The following RIN3 variants were observed in gnomAD, a reference collection of about 807,000 sequenced individuals.
RIN3 encodes the protein RAB5 interacting protein 3.
In RIN3, 54 loss-of-function variants were observed where a neutral mutation model predicts 76.3. That is an observed-to-expected ratio of 0.71 (90% CI 0.57 to 0.89). The LOEUF (loss-of-function observed/expected upper bound fraction) is 0.89, where lower values mean the gene tolerates loss of function less well. Ranked by LOEUF, RIN3 falls within the 40% of genes least tolerant of loss-of-function variation. RIN3 has a pLI of 0.00. For synonymous variants in RIN3, 576 were observed against 564.0 expected, an observed-to-expected ratio of 1.02 and a Z score of -0.30; for missense variants, 1,256 against 1,322.1, an observed-to-expected ratio of 0.95 and a Z score of 0.78.
intron 1 of RIN3, among the ~76,000 whole-genome samples, chr14:92,540,438 T>A (rs1420894641): frequency 1.3e-5 from 2 of 152,212 alleles, no homozygotes; most frequent in East Asian, 3.9e-4. Context: ...GCCACAAGCA[T>A]CTGTGAGAAA....
intron 3 of RIN3, among the ~76,000 whole-genome samples, chr14:92,614,969 A>G (rs149485938): frequency 0.01 from 1,548 of 148,772 alleles, 25 homozygotes; most frequent in African/African-American, 0.036. Context: ...TCAGCCTCCC[A>G]AGTAGCTGGG....
chr14:92,653,797 C>A (rs758312147), intron 6 of RIN3, among the ~76,000 whole-genome samples: 1 of 152,166 alleles, frequency 6.6e-6, no homozygotes, highest in Admixed American at 6.5e-5. Context: ...GCAGGAGGAT[C>A]GCTTGAGCCC....
intron 1 of RIN3, among the ~76,000 whole-genome samples, chr14:92,545,162 T>C (rs1208595269): frequency 7.3e-6 from 1 of 137,840 alleles, no homozygotes; most frequent in Non-Finnish European, 1.5e-5. Flanking sequence ...CAGGCTGGAG[T>C]GCAGTGGCAC....
At chr14:92,600,210 A>G (rs1885295006) in intron 3 of RIN3, among the ~76,000 whole-genome samples, 1 of 152,232 alleles carries the variant, frequency 6.6e-6, no homozygotes, top group Non-Finnish European at 1.5e-5. Context: ...GATGCAGTGC[A>G]GGCACATGAT....
chr14:92,545,262 A>G (rs1446623861), intron 1 of RIN3, among the ~76,000 whole-genome samples: 1 of 151,906 alleles, frequency 6.6e-6, no homozygotes, highest in Non-Finnish European at 1.5e-5. Flanking sequence ...GGCACCTGCC[A>G]CCACGCCTGG....
chr14:92,647,499 T>A (rs1413580804), intron 5 of RIN3, among the ~76,000 whole-genome samples: 1 of 152,220 alleles, frequency 6.6e-6, no homozygotes, highest in Non-Finnish European at 1.5e-5. Flanking sequence ...AGGAAAGGCA[T>A]CTGTTCTGTG....
Position 92,631,393 on chromosome 14 carries a change from C to T in RIN3, c.441-9845C>T, listed in dbSNP as rs375046221. 4.6e-5 allele frequency among the ~76,000 whole-genome samples: 7 copies of T among 152,220 alleles called. No individual in the cohort carries two copies. The South Asian group carries it at 6.2e-4, about 14-fold the overall frequency. On this transcript the variant is annotated intron_variant, in intron 4 of 9. Coordinates refer to ENST00000216487, the MANE Select transcript of RIN3 (RefSeq NM_024832.5). The stretch of plus-strand genomic sequence containing the variant: ...GTGCTCTGTCTGCAGCCTCTGCCCC[C>T]AGAAATAAAAAAAAGACAGGTTCTG...
At chr14:92,591,895 A>T (rs1478202848) in intron 3 of RIN3, among the ~76,000 whole-genome samples, 1 of 152,236 alleles carries the variant, frequency 6.6e-6, no homozygotes, top group African/African-American at 2.4e-5. Flanking sequence ...AGAAAGGAAG[A>T]GCATCAGAGA....
intron 3 of RIN3, among the ~76,000 whole-genome samples, chr14:92,612,662 G>A (rs1299776430): frequency 6.6e-6 from 1 of 152,262 alleles, no homozygotes; most frequent in East Asian, 1.9e-4. Flanking sequence ...TTCGTGTGAA[G>A]AGATGCTGTT....
At chr14:92,674,644 T>G (rs1595503606) in intron 7 of RIN3, among the ~76,000 whole-genome samples, 1 of 152,066 alleles carries the variant, frequency 6.6e-6, no homozygotes, top group African/African-American at 2.4e-5. Flanking sequence ...ATCCCAGCAC[T>G]TTAGGAGGCT....
chr14:92,664,762 G>A lies in RIN3; in HGVS notation c.2335+5293G>A, dbSNP rs188823420. Among the ~76,000 whole-genome samples the A allele has an allele frequency of 1.7e-3, 253 of 152,222 alleles. 1 individual carries two copies. Among genetic ancestry groups the A allele is most frequent in the Middle Eastern group, 0.01 (3 of 294 alleles). ...TACACCTGTGTCCTTTACCCCAAAC[G>A]CTTTCCTAGGTATTTTGTGGCATGT... On this transcript the variant is annotated intron_variant, in intron 7 of 9. Coordinates refer to ENST00000216487, the MANE Select transcript of RIN3 (RefSeq NM_024832.5).
intron 2 of RIN3, among the ~76,000 whole-genome samples, chr14:92,557,684 T>G (rs903914685): frequency 3.3e-5 from 5 of 152,200 alleles, no homozygotes; most frequent in Non-Finnish European, 7.4e-5. Context: ...CACAGCAGTG[T>G]CCTGCCAAGA....
At position 92,592,642 on chromosome 14, in the gene RIN3, G is replaced by GTATTAT. The variant is rs143659950; in HGVS notation, c.367+15209_367+15214dup. ...TTATACTGTATTGCTTTTAAATTTT[G>GTATTAT]TATTATTATTATTATTATTATTATT... On this transcript the variant is annotated intron_variant, in intron 3 of 9. Transcript: ENST00000216487. Among the ~76,000 whole-genome samples the GTATTAT allele has an allele frequency of 1.2e-3, 166 of 134,636 alleles. 2 individuals are homozygous for GTATTAT. Among genetic ancestry groups the GTATTAT allele is most frequent in the Middle Eastern group, 3.6e-3 (1 of 278 alleles). The allele number at this position is 134,636 out of a possible 152,430, so 88.3% of individuals were successfully genotyped here.
Position 92,652,784 on chromosome 14 carries a change from C to G in RIN3, c.1735C>G (p.Arg579Gly). ...GCCCTCCATGATCCTGGGCAAGGCT[C>G]GGCACCGGCTGAGCTTTGCCAGTTT... ...KKPSMILGKA[R>G]HRLSFASFSS... Residue 579 changes from arginine (R) to glycine (G), a missense_variant, in exon 6 of 10, where the codon CGG (arginine) becomes GGG (glycine). Physicochemically the swap from Arg to Gly is moderately radical, Grantham distance 125 (BLOSUM62 -2). Transcript: ENST00000216487. This position sits in a 1 kb window ranked among gnomAD's most constrained non-coding sequence, Gnocchi z 6.4. The G allele has an allele frequency of 6.2e-7, 1 of 1,614,016 alleles. No individual in the cohort carries two copies. Among genetic ancestry groups the G allele is most frequent in the Non-Finnish European group, 8.5e-7 (1 of 1,180,032 alleles).
chr14:92,547,542 A>C (rs1358845137), intron 1 of RIN3, among the ~76,000 whole-genome samples: 1 of 150,032 alleles, frequency 6.7e-6, no homozygotes, highest in Non-Finnish European at 1.5e-5. Flanking sequence ...CCATAGGTGC[A>C]CACCACTGTG....
chr14:92,606,639 A>G (rs1457751739), intron 3 of RIN3, among the ~76,000 whole-genome samples: 2 of 152,232 alleles, frequency 1.3e-5, no homozygotes, highest in East Asian at 1.9e-4. Context: ...GGAAATAACC[A>G]ATAAACACAT....
chr14:92,637,334 G>T (rs1886812173), intron 4 of RIN3, among the ~76,000 whole-genome samples: 1 of 152,008 alleles, frequency 6.6e-6, no homozygotes, highest in Non-Finnish European at 1.5e-5. Context: ...TTCACAGCAG[G>T]GTTCATGCTT....
chr14:92,662,192 T>C (rs537886446), intron 7 of RIN3, among the ~76,000 whole-genome samples: 1 of 152,278 alleles, frequency 6.6e-6, no homozygotes, highest in East Asian at 1.9e-4. Flanking sequence ...AGCGGGGCCT[T>C]CTCAAGCCTT....
chr14:92,620,954 G>T (rs1010527847), intron 4 of RIN3, among the ~76,000 whole-genome samples: 3 of 152,134 alleles, frequency 2.0e-5, no homozygotes, highest in Non-Finnish European at 4.4e-5. Context: ...GTGAGATTTG[G>T]CTTTGCACTA....
Sources: gnomAD v4.1 joint callset for allele counts (sites outside exome capture counted in the v4.1 genomes callset) on GRCh38, gnomAD v4.1.1 for gene constraint, Gnocchi (gnomAD v3.1) non-coding constraint, MANE v1.5 for transcripts, NCBI Gene and HGNC (gene_info 2026-07-23, HGNC 2026-07-21) for gene names.